PRKN: variants seen among roughly 807,000 people sequenced by gnomAD.
PRKN encodes the protein E3 ubiquitin-protein ligase parkin.
In PRKN, 56 loss-of-function variants were observed where a neutral mutation model predicts 59.5. That is an observed-to-expected ratio of 0.94 (90% CI 0.76 to 1.18). The LOEUF is 1.18. Ranked by LOEUF, PRKN falls within the 50% of genes most tolerant of loss-of-function variation. The probability of loss-of-function intolerance (pLI) is 0.00; values close to 1 mark genes in which losing one functional copy is unlikely to be tolerated. For missense variants in PRKN, 657 were observed against 596.4 expected, an observed-to-expected ratio of 1.10 and a Z score of -1.06; for synonymous variants, 250 against 222.1, an observed-to-expected ratio of 1.13 and a Z score of -1.12.
chr6:162,713,493 C>CAAAAAAA (rs373942233), intron 1 of PRKN, among the ~76,000 whole-genome samples: 1 of 80,898 alleles, frequency 1.2e-5, no homozygotes, highest in Non-Finnish European at 2.3e-5. Context: ...GACTCCACCT[C>CAAAAAAA]AAAAAAAAAA....
At chr6:162,505,076 C>T (rs1793549742) in intron 1 of PRKN, among the ~76,000 whole-genome samples, 1 of 152,092 alleles carries the variant, frequency 6.6e-6, no homozygotes, top group East Asian at 1.9e-4. Flanking sequence ...TGAGCACTTC[C>T]ATAAACTGCC....
chr6:162,458,911 C>T (rs1791033078), intron 1 of PRKN, among the ~76,000 whole-genome samples: 1 of 152,122 alleles, frequency 6.6e-6, no homozygotes, highest in Non-Finnish European at 1.5e-5. Flanking sequence ...ACCTCTGCCT[C>T]CCAGGCTCAA....
chr6:161,715,991 T>G (rs1786958844), intron 7 of PRKN: 2 of 671,432 alleles, frequency 3.0e-6, no homozygotes, highest in Non-Finnish European at 4.8e-6. Flanking sequence ...GGTGGGGCCC[T>G]GTGATCTATA....
At chr6:162,110,277 C>T (rs1780369423) in intron 4 of PRKN, among the ~76,000 whole-genome samples, 1 of 152,130 alleles carries the variant, frequency 6.6e-6, no homozygotes, top group South Asian at 2.1e-4. Context: ...CACACATACA[C>T]ATATTCTACC....
At chr6:162,341,773 G>A (rs1036020890) in intron 2 of PRKN, among the ~76,000 whole-genome samples, 1 of 152,034 alleles carries the variant, frequency 6.6e-6, no homozygotes, top group African/African-American at 2.4e-5. Context: ...GGGGGGATGG[G>A]AGTGGATAGC....
chr6:161,986,435 G>A (rs1781438010), intron 5 of PRKN, among the ~76,000 whole-genome samples: 1 of 150,916 alleles, frequency 6.6e-6, no homozygotes, highest in Non-Finnish European at 1.5e-5. Context: ...CACTATTCTT[G>A]GGAATTAAGT....
chr6:162,645,599 G>T (rs1778140400), intron 1 of PRKN, among the ~76,000 whole-genome samples: 1 of 151,994 alleles, frequency 6.6e-6, no homozygotes, highest in South Asian at 2.1e-4. Flanking sequence ...GCCACTACAT[G>T]AAATGCTAAG....
At chr6:161,869,734 C>A (rs1472100566) in intron 6 of PRKN, among the ~76,000 whole-genome samples, 1 of 152,178 alleles carries the variant, frequency 6.6e-6, no homozygotes, top group African/African-American at 2.4e-5. Context: ...AGCTCTTCAG[C>A]TGTCTTCTCC....
chr6:161,984,875 G>C (rs893119536), intron 5 of PRKN, among the ~76,000 whole-genome samples: 6 of 152,184 alleles, frequency 3.9e-5, no homozygotes, highest in Non-Finnish European at 1.5e-5. Context: ...CCCTGAGAGT[G>C]AGCAGGAGGA....
chr6:162,151,723 T>A (rs1362308105), intron 4 of PRKN, among the ~76,000 whole-genome samples: 1 of 152,272 alleles, frequency 6.6e-6, no homozygotes, highest in Non-Finnish European at 1.5e-5. Flanking sequence ...CCAGTCCCAC[T>A]TTAAGAAAAA....
chr6:162,039,192 G>C (rs1783967158), intron 5 of PRKN, among the ~76,000 whole-genome samples: 1 of 151,762 alleles, frequency 6.6e-6, no homozygotes. Context: ...CTGTTTGTCT[G>C]ACACCATTCA....
chr6:161,946,451 C>CTCTCTCTCTCTCTCTCTCTCT (rs1554253070), intron 6 of PRKN, among the ~76,000 whole-genome samples: 20 of 136,666 alleles, frequency 1.5e-4, no homozygotes, highest in African/African-American at 5.0e-4. Context: ...CTCTCTCTCT[C>CTCTCTCTCTCTCTCTCTCTCT]AATACAAAAG....
chr6:162,492,308 T>G (rs1230249366), intron 1 of PRKN, among the ~76,000 whole-genome samples: 1 of 152,242 alleles, frequency 6.6e-6, no homozygotes, highest in East Asian at 1.9e-4. Flanking sequence ...CTCATCCAAG[T>G]AGCAGAAGAG....
intron 9 of PRKN, among the ~76,000 whole-genome samples, chr6:161,424,353 A>G (rs1196004765): frequency 6.6e-6 from 1 of 151,944 alleles, no homozygotes; most frequent in East Asian, 1.9e-4. Context: ...AAAAAAAAAA[A>G]AAAGAATTGA....
intron 4 of PRKN, among the ~76,000 whole-genome samples, chr6:162,097,296 ATAT>A (rs1779787131): frequency 6.6e-6 from 1 of 152,200 alleles, no homozygotes; most frequent in Non-Finnish European, 1.5e-5. Context: ...ATTTAAGAGA[ATAT>A]TATGCTGGAA....
rs1177332315 is a variant in PRKN, at chr6:162,393,155, C to CTTTTTTTTTTTT, written c.171+50143_171+50154dup. Reference sequence around the variant, plus strand: ...TGATACTGGGTGAGGATAGGAGATTCTTTTTTTTTTTTTTTTTTTTTTGAG... The same window carrying CTTTTTTTTTTTT: ...TGATACTGGGTGAGGATAGGAGATTCTTTTTTTTTTTTTTTTTTTTTTTTTTTTTTTTTTGAG... On this transcript the variant is annotated intron_variant, in intron 2 of 11. Coordinates refer to ENST00000366898, the MANE Select transcript of PRKN (RefSeq NM_004562.3). Among the ~76,000 whole-genome samples the CTTTTTTTTTTTT allele has an allele frequency of 7.0e-4, 56 of 80,168 alleles. 5 individuals carry two copies. Among genetic ancestry groups the CTTTTTTTTTTTT allele is most frequent in the East Asian group, 3.0e-3 (5 of 1,682 alleles). The allele number at this position is 80,168 out of a possible 152,430, so 52.6% of individuals were successfully genotyped here. A position where few individuals can be genotyped will look rare whatever the true frequency, so the allele number is the denominator to read the frequency against.
At chr6:162,216,566 C>T (rs938424237) in intron 3 of PRKN, among the ~76,000 whole-genome samples, 3 of 140,654 alleles carry the variant, frequency 2.1e-5, no homozygotes, top group East Asian at 2.1e-4. Context: ...AAAAAAAAAC[C>T]CAGTTTGCCT....
chr6:161,786,782 C>CA (rs1365022999), intron 6 of PRKN, among the ~76,000 whole-genome samples: 1 of 152,072 alleles, frequency 6.6e-6, no homozygotes, highest in Non-Finnish European at 1.5e-5. Flanking sequence ...TCTTCTACTG[C>CA]AAGATTTTGT....
intron 1 of PRKN, among the ~76,000 whole-genome samples, chr6:162,537,414 A>AT (rs1333835723): frequency 6.6e-6 from 1 of 152,082 alleles, no homozygotes; most frequent in East Asian, 1.9e-4. Context: ...CGCATCACCT[A>AT]TATTTTATGC....
Sources: gnomAD v4.1 joint callset for allele counts (sites outside exome capture counted in the v4.1 genomes callset) on GRCh38, gnomAD v4.1.1 for gene constraint, MANE v1.5 for transcripts, NCBI Gene and HGNC (gene_info 2026-07-23, HGNC 2026-07-21) for gene names.